SPAG16: variants seen among roughly 807,000 people sequenced by gnomAD.
SPAG16 encodes sperm associated antigen 16.
SPAG16 carries 86 observed loss-of-function variants against 80.4 expected under a neutral mutation model. The ratio of observed to expected loss-of-function variants is 1.07; its 90% CI spans 0.90 to 1.28. The LOEUF (loss-of-function observed/expected upper bound fraction) is 1.28, where lower values mean the gene tolerates loss of function less well. Among genes scored for constraint, SPAG16 ranks in the 50% most tolerant of loss-of-function variants. The pLI is 0.00. For missense variants in SPAG16, 870 were observed against 765.3 expected (o/e 1.14, Z -1.61); for synonymous variants, 294 against 265.9 (o/e 1.11, Z -1.03).
At chr2:214,126,967 G>A (rs936206397) in intron 14 of SPAG16, among the ~76,000 whole-genome samples, 4 of 151,816 alleles carry the variant, frequency 2.6e-5, no homozygotes, top group Non-Finnish European at 4.4e-5. Context: ...TTTGTAGTAA[G>A]TTCTCTGTAA....
Position 214,331,365 on chromosome 2 carries a change from G to A in SPAG16, c.1721-78775G>A, listed in dbSNP as rs140418353. On this transcript the variant is annotated intron_variant, in intron 15 of 15. Coordinates refer to ENST00000331683, the MANE Select transcript of SPAG16 (RefSeq NM_024532.5). ...GACTCCTCTGCTTTTCTTCTGGGCC[G>A]TTGGCATGATGAGCCTGAAGTGACC... Among the ~76,000 whole-genome samples, 949 of 152,254 alleles carry A rather than the reference G, an allele frequency of 6.2e-3. 10 individuals carry two copies. The highest frequency in any genetic ancestry group is 0.037 in the South Asian group (179 of 4,820).
At chr2:213,881,644 G>C (rs2076348980) in intron 11 of SPAG16, among the ~76,000 whole-genome samples, 1 of 152,136 alleles carries the variant, frequency 6.6e-6, no homozygotes, top group Non-Finnish European at 1.5e-5. Context: ...GCCAAGGCAG[G>C]GGGAACAACC....
At chr2:214,174,899 C>T (rs958170141) in intron 15 of SPAG16, among the ~76,000 whole-genome samples, 1 of 151,720 alleles carries the variant, frequency 6.6e-6, no homozygotes, top group Non-Finnish European at 1.5e-5. Context: ...ATTCAGTTAG[C>T]AAGTACTAGT....
intron 10 of SPAG16, among the ~76,000 whole-genome samples, chr2:213,695,314 G>T (rs1394955501): frequency 2.0e-5 from 3 of 152,098 alleles, no homozygotes; most frequent in African/African-American, 7.2e-5. Context: ...AACTAACAAG[G>T]TATCATGGTT....
intron 15 of SPAG16, among the ~76,000 whole-genome samples, chr2:214,389,845 C>G (rs1700968622): frequency 2.0e-5 from 3 of 152,194 alleles, no homozygotes; most frequent in Non-Finnish European, 4.4e-5. Context: ...CAAGATACCT[C>G]ATTCCATCAT....
chr2:214,064,615 G>C (rs2050444450), intron 13 of SPAG16, among the ~76,000 whole-genome samples: 1 of 152,040 alleles, frequency 6.6e-6, no homozygotes, highest in Non-Finnish European at 1.5e-5. Context: ...CAATTAAATT[G>C]TAAGTTGACC....
chr2:213,721,461 A>G (rs529681265), intron 10 of SPAG16, among the ~76,000 whole-genome samples: 1 of 152,334 alleles, frequency 6.6e-6, no homozygotes, highest in African/African-American at 2.4e-5. Context: ...AAGTGCTTAT[A>G]TTTTATATTT....
intron 12 of SPAG16, among the ~76,000 whole-genome samples, chr2:213,987,487 G>A (rs185490891): frequency 1.3e-5 from 2 of 152,164 alleles, no homozygotes; most frequent in Admixed American, 1.3e-4. Flanking sequence ...GACAAATTAA[G>A]TTAGACTGTA....
At chr2:213,936,708 C>T (rs1438698701) in intron 12 of SPAG16, among the ~76,000 whole-genome samples, 1 of 152,170 alleles carries the variant, frequency 6.6e-6, no homozygotes, top group Non-Finnish European at 1.5e-5. Flanking sequence ...TATACTGGGA[C>T]ACTAATATAA....
chr2:213,296,545 C>T (rs1367036195), intron 2 of SPAG16, among the ~76,000 whole-genome samples: 2 of 152,146 alleles, frequency 1.3e-5, no homozygotes, highest in Non-Finnish European at 2.9e-5. Flanking sequence ...CAAAGCTTTC[C>T]TTTAATTCAT....
intron 4 of SPAG16, among the ~76,000 whole-genome samples, chr2:213,310,728 G>A (rs1471353014): frequency 6.6e-6 from 1 of 151,466 alleles, no homozygotes; most frequent in Admixed American, 6.6e-5. Context: ...TGTTATAATT[G>A]AAAATTTTAA....
intron 10 of SPAG16, among the ~76,000 whole-genome samples, chr2:213,582,053 C>A (rs551883505): frequency 2.6e-5 from 4 of 152,098 alleles, no homozygotes; most frequent in African/African-American, 9.6e-5. Context: ...CCTTAAATGT[C>A]CTGATGCAAT....
At chr2:213,705,810 GT>G (rs2065726456) in intron 10 of SPAG16, among the ~76,000 whole-genome samples, 1 of 148,946 alleles carries the variant, frequency 6.7e-6, no homozygotes, top group African/African-American at 2.6e-5. Flanking sequence ...TGTTGTTGTT[GT>G]TGTTAAGTAT....
chr2:213,668,862 A>G (rs1391580422), intron 10 of SPAG16, among the ~76,000 whole-genome samples: 1 of 152,038 alleles, frequency 6.6e-6, no homozygotes, highest in Non-Finnish European at 1.5e-5. Flanking sequence ...GTTAGCCAGG[A>G]GGGTCTCGGT....
At chr2:213,391,784 C>A (rs965237348) in intron 9 of SPAG16, among the ~76,000 whole-genome samples, 2 of 152,214 alleles carry the variant, frequency 1.3e-5, no homozygotes, top group African/African-American at 4.8e-5. Context: ...TACTTTTTAA[C>A]TACTTTAGCC....
intron 10 of SPAG16, among the ~76,000 whole-genome samples, chr2:213,687,421 T>A (rs936290594): frequency 6.6e-6 from 1 of 152,210 alleles, no homozygotes; most frequent in African/African-American, 2.4e-5. Context: ...CTAAATTACT[T>A]TTTTGGACAT....
At chr2:213,609,554 A>G (rs2125011694) in intron 10 of SPAG16, among the ~76,000 whole-genome samples, 1 of 152,304 alleles carries the variant, frequency 6.6e-6, no homozygotes, top group South Asian at 2.1e-4. Flanking sequence ...CATGAACAGC[A>G]ATCTATTGAG....
At chr2:214,029,687 TACTCAA>T (rs1045690151) in intron 13 of SPAG16, among the ~76,000 whole-genome samples, 5 of 152,072 alleles carry the variant, frequency 3.3e-5, no homozygotes, top group Non-Finnish European at 7.4e-5. Context: ...AAACAAATCT[TACTCAA>T]ACTTAACTCT....
At chr2:213,385,600 G>A (rs1290058968) in intron 9 of SPAG16, among the ~76,000 whole-genome samples, 1 of 152,132 alleles carries the variant, frequency 6.6e-6, no homozygotes, top group Non-Finnish European at 1.5e-5. Flanking sequence ...CCAGTAAGGA[G>A]GGTGGGGAAT....
Sources: allele counts gnomAD v4.1 joint callset (sites outside exome capture counted in the v4.1 genomes callset), GRCh38; gene constraint gnomAD v4.1.1; transcripts MANE v1.5; gene names NCBI Gene and HGNC (gene_info 2026-07-23, HGNC 2026-07-21).